SEMA3A: variants seen among roughly 807,000 people sequenced by gnomAD.
SEMA3A encodes semaphorin 3A, also known as semaphorin-3A.
SEMA3A carries 29 observed loss-of-function variants against 97.9 expected under a neutral mutation model. The ratio of observed to expected loss-of-function variants is 0.30; its 90% CI spans 0.22 to 0.40. The LOEUF is 0.40. Among genes scored for constraint, SEMA3A ranks in the 10% least tolerant of loss-of-function variants. The pLI is 1.00. For synonymous variants in SEMA3A, 321 were observed against 323.7 expected (o/e 0.99, Z 0.09); for missense variants, 763 against 951.3 (o/e 0.80, Z 2.60).
At chr7:84,483,260 G>A (rs999903264) in intron 1 of SEMA3A, among the ~76,000 whole-genome samples, 4 of 151,894 alleles carry the variant, frequency 2.6e-5, no homozygotes, top group Admixed American at 6.6e-5. Flanking sequence ...CATTCCCCTC[G>A]AAAATTATAA....
chr7:84,102,120 TG>T (rs1269291930), intron 4 of SEMA3A, among the ~76,000 whole-genome samples: 4 of 152,158 alleles, frequency 2.6e-5, no homozygotes, highest in African/African-American at 9.6e-5. Flanking sequence ...TAGACTCTAA[TG>T]GAAATTACAA....
chr7:84,280,183 C>T (rs935364768), intron 3 of SEMA3A, among the ~76,000 whole-genome samples: 29 of 152,142 alleles, frequency 1.9e-4, no homozygotes, highest in African/African-American at 6.8e-4. Flanking sequence ...AGATGTGAGA[C>T]ACTGCACCAA....
chr7:84,155,765 A>G (rs1796828294), intron 1 of SEMA3A, among the ~76,000 whole-genome samples: 1 of 152,132 alleles, frequency 6.6e-6, no homozygotes, highest in Admixed American at 6.5e-5. Context: ...TTATGTTAAT[A>G]ATTTTTTCCT....
At chr7:83,969,423 A>T (rs1218039843) in intron 15 of SEMA3A, among the ~76,000 whole-genome samples, 1 of 152,096 alleles carries the variant, frequency 6.6e-6, no homozygotes, top group Non-Finnish European at 1.5e-5. Context: ...ATTATTTTTA[A>T]TCTGGTTTAT....
chr7:84,364,099 G>GATTT (rs3049889), intron 2 of SEMA3A, among the ~76,000 whole-genome samples: 43,217 of 151,114 alleles, frequency 0.29, 6,607 homozygotes, highest in African/African-American at 0.38. Flanking sequence ...GTTAACATAT[G>GATTT]ATTTATTATA....
At chr7:83,980,783 A>G (rs1490671820) in intron 14 of SEMA3A, among the ~76,000 whole-genome samples, 1 of 151,732 alleles carries the variant, frequency 6.6e-6, no homozygotes, top group East Asian at 1.9e-4. Context: ...TGATGCTATA[A>G]TAATATAATA....
chr7:84,090,624 C>A (rs975968153), intron 4 of SEMA3A, among the ~76,000 whole-genome samples: 2 of 152,010 alleles, frequency 1.3e-5, no homozygotes, highest in African/African-American at 4.8e-5. Context: ...TTTAACTAAG[C>A]AATTTTCTTT....
chr7:84,063,816 G>C (rs1228250418), intron 4 of SEMA3A, among the ~76,000 whole-genome samples: 2 of 149,522 alleles, frequency 1.3e-5, no homozygotes, highest in Non-Finnish European at 3.0e-5. Flanking sequence ...AAGTGATGGG[G>C]AGAATGGAAC....
chr7:84,419,023 G>A (rs1562940428), intron 1 of SEMA3A, among the ~76,000 whole-genome samples: 1 of 151,630 alleles, frequency 6.6e-6, no homozygotes, highest in Non-Finnish European at 1.5e-5. Context: ...GGAGAACACT[G>A]ACTAATACAA....
chr7:84,336,997 T>C (rs1802052230), intron 2 of SEMA3A, among the ~76,000 whole-genome samples: 1 of 152,044 alleles, frequency 6.6e-6, no homozygotes, highest in African/African-American at 2.4e-5. Context: ...AGATCAGTGT[T>C]GTGGTTAGGA....
intron 3 of SEMA3A, among the ~76,000 whole-genome samples, chr7:84,205,040 T>G (rs1369146724): frequency 1.3e-5 from 2 of 152,176 alleles, no homozygotes; most frequent in Non-Finnish European, 2.9e-5. Flanking sequence ...AACATGTGAG[T>G]GAGTTTTAAT....
chr7:84,063,551 A>T (rs1793345685), intron 4 of SEMA3A, among the ~76,000 whole-genome samples: 1 of 150,372 alleles, frequency 6.7e-6, no homozygotes, highest in Non-Finnish European at 1.5e-5. Context: ...TAACTAGAAT[A>T]ACCAATACAG....
At chr7:84,147,218 C>T (rs1162349616) in intron 1 of SEMA3A, among the ~76,000 whole-genome samples, 1 of 152,104 alleles carries the variant, frequency 6.6e-6, no homozygotes, top group Non-Finnish European at 1.5e-5. Context: ...TCACCCACTA[C>T]CTGTTGCATA....
At chr7:84,041,478 T>C (rs1792132027) in intron 6 of SEMA3A, among the ~76,000 whole-genome samples, 1 of 152,112 alleles carries the variant, frequency 6.6e-6, no homozygotes, top group Non-Finnish European at 1.5e-5. Flanking sequence ...AACTACTAAG[T>C]TGTGTTTAGG....
intron 4 of SEMA3A, 73 bp from the exon 5 acceptor site, chr7:84,060,631 A>G: frequency 1.1e-6 from 1 of 918,226 alleles, no homozygotes; most frequent in Non-Finnish European, 1.6e-6. Flanking sequence ...CACATCAGTT[A>G]ATCAGAGAGA....
At chr7:84,199,672 T>C (rs1296114671), upstream of SEMA3A, among the ~76,000 whole-genome samples, 1 of 152,140 alleles carries the variant, frequency 6.6e-6, no homozygotes, top group African/African-American at 2.4e-5. Flanking sequence ...CTCTGACTTC[T>C]GATGTTGGAA....
At chr7:84,062,698 T>C (rs1793285659) in intron 4 of SEMA3A, among the ~76,000 whole-genome samples, 1 of 152,202 alleles carries the variant, frequency 6.6e-6, no homozygotes. Context: ...ACCCGAATAC[T>C]GCGCTTTTCC....
intron 6 of SEMA3A, among the ~76,000 whole-genome samples, chr7:84,015,996 C>G (rs1791083385): frequency 1.3e-5 from 2 of 152,090 alleles, no homozygotes. Context: ...TAATACAATA[C>G]TCTAACCTGG....
intron 1 of SEMA3A, among the ~76,000 whole-genome samples, chr7:84,150,118 T>G (rs1796584568): frequency 6.6e-6 from 1 of 152,224 alleles, no homozygotes; most frequent in African/African-American, 2.4e-5. Flanking sequence ...TATTTAAAAT[T>G]GAAACATTAT....
Sources: gnomAD v4.1 joint callset for allele counts (sites outside exome capture counted in the v4.1 genomes callset) on GRCh38, gnomAD v4.1.1 for gene constraint, MANE v1.5 for transcripts, NCBI Gene and HGNC (gene_info 2026-07-23, HGNC 2026-07-21) for gene names.